Variants in XRCC4 observed in about 807,000 individuals in gnomAD.
The protein encoded by XRCC4 is DNA repair protein XRCC4.
A neutral mutation model predicts 39.1 loss-of-function variants in XRCC4; 28 were observed. The ratio of observed to expected loss-of-function variants is 0.72; its 90% CI spans 0.53 to 0.98. The LOEUF is 0.98. Among genes scored for constraint, XRCC4 ranks in the 50% least tolerant of loss-of-function variants. The pLI is 0.00. For missense variants in XRCC4, 350 were observed against 376.4 expected, an observed-to-expected ratio of 0.93 and a Z score of 0.58; for synonymous variants, 123 against 126.4, an observed-to-expected ratio of 0.97 and a Z score of 0.18.
In XRCC4 at chr5:83,284,884, A is replaced by G. The variant is rs73769439; in HGVS notation, c.893+26207A>G. Among the ~76,000 whole-genome samples the G allele has an allele frequency of 1.6e-3, 247 of 152,226 alleles. 1 individual carries two copies. The highest frequency in any genetic ancestry group is 5.4e-3 in the African/African-American group (225 of 41,568). On this transcript the variant is annotated intron_variant, in intron 7 of 7. Coordinates refer to ENST00000396027, the MANE Select transcript of XRCC4 (RefSeq NM_003401.5). ...ATTATTTTCTAGATAATATTTAAGA[A>G]TAATATTTTATGTATATATTAAACA...
At chr5:83,209,152 A>G (rs1751538294) in intron 6 of XRCC4, among the ~76,000 whole-genome samples, 1 of 151,754 alleles carries the variant, frequency 6.6e-6, no homozygotes, top group Non-Finnish European at 1.5e-5. Context: ...GGGTTATTAT[A>G]GATACTGTGA....
intron 7 of XRCC4, among the ~76,000 whole-genome samples, chr5:83,335,712 A>T (rs934762991): frequency 4.6e-5 from 7 of 152,028 alleles, no homozygotes; most frequent in Admixed American, 4.6e-4. Flanking sequence ...GAAAAACAGG[A>T]TTTTACAATT....
At position 83,278,957 on chromosome 5, in the gene XRCC4, C is replaced by T. The variant is rs1754434506; in HGVS notation, c.893+20280C>T. On this transcript the variant is annotated intron_variant, in intron 7 of 7. Coordinates refer to ENST00000396027, the MANE Select transcript of XRCC4 (RefSeq NM_003401.5). ...GAGCCGAGATCGTGCCACTCCACTC[C>T]ACCACTCCACTCCAGCCTGGGCGGC... Among the ~76,000 whole-genome samples, 5 of 146,060 alleles carry T rather than the reference C, an allele frequency of 3.4e-5. No individual in the cohort carries two copies. The South Asian group carries it at 1.1e-3, about 31-fold the overall frequency.
chr5:83,251,701 ACCT>A (rs1753325185), intron 6 of XRCC4, among the ~76,000 whole-genome samples: 1 of 151,944 alleles, frequency 6.6e-6, no homozygotes, highest in Non-Finnish European at 1.5e-5. Context: ...TCCAAAGATG[ACCT>A]CCTGAGTTAC....
intron 7 of XRCC4, among the ~76,000 whole-genome samples, chr5:83,346,565 A>C (rs1756923203): frequency 6.6e-6 from 1 of 151,998 alleles, no homozygotes; most frequent in Non-Finnish European, 1.5e-5. Flanking sequence ...AAAAAGACAC[A>C]CTTGAAAACA....
chr5:83,238,014 G>A (rs7710486), intron 6 of XRCC4, among the ~76,000 whole-genome samples: 26,004 of 151,914 alleles, frequency 0.17, 4,595 homozygotes, highest in African/African-American at 0.46. Flanking sequence ...GTAGAAATTG[G>A]TAATAGTATT....
chr5:83,250,605 T>C (rs1373922024), intron 6 of XRCC4, among the ~76,000 whole-genome samples: 1 of 152,224 alleles, frequency 6.6e-6, no homozygotes, highest in Non-Finnish European at 1.5e-5. Context: ...CCAAAAGTTC[T>C]ACCCAAAAAG....
chr5:83,341,374 A>G (rs1360319013), intron 7 of XRCC4, among the ~76,000 whole-genome samples: 1 of 152,110 alleles, frequency 6.6e-6, no homozygotes, highest in Non-Finnish European at 1.5e-5. Context: ...ATGTATATAC[A>G]CACATATTCT....
At chr5:83,275,296 G>GTTT (rs59794451) in intron 7 of XRCC4, among the ~76,000 whole-genome samples, 4 of 141,528 alleles carry the variant, frequency 2.8e-5, no homozygotes, top group Admixed American at 7.1e-5. Flanking sequence ...GCTAGGTTAG[G>GTTT]TTTTTTTTTT....
rs184950811 is a variant in XRCC4, at chr5:83,172,044, A to G, written c.316-23726A>G. On this transcript the variant is annotated intron_variant, in intron 3 of 7. Coordinates refer to ENST00000396027, the MANE Select transcript of XRCC4 (RefSeq NM_003401.5). ...ATGTTGTTTTCTGTCAAATGAATCA[A>G]TAGAATTATTTTGATTTGCAAAGGA... Among the ~76,000 whole-genome samples the G allele has an allele frequency of 4.3e-4, 66 of 152,308 alleles. 1 individual carries two copies. Among genetic ancestry groups the G allele is most frequent in the Admixed American group, 1.4e-3 (21 of 15,290 alleles).
intron 7 of XRCC4, among the ~76,000 whole-genome samples, chr5:83,283,050 C>CA (rs199980796): frequency 0.023 from 1,325 of 57,630 alleles, 10 homozygotes; most frequent in African/African-American, 0.062. Flanking sequence ...ATAGCCAGAC[C>CA]AAAAAAAAAA....
intron 6 of XRCC4, among the ~76,000 whole-genome samples, chr5:83,240,388 CA>C (rs1293152307): frequency 6.6e-6 from 1 of 151,990 alleles, no homozygotes; most frequent in Non-Finnish European, 1.5e-5. Flanking sequence ...TGGATCAAAA[CA>C]AGAGAGAAGC....
chr5:83,356,544 T>C (rs1757191969), downstream of XRCC4, among the ~76,000 whole-genome samples: 1 of 152,200 alleles, frequency 6.6e-6, no homozygotes, highest in Admixed American at 6.5e-5. Context: ...ATTGAGTTGG[T>C]TAGAACAGAA....
rs1423376292 is a variant in XRCC4 at position 83,129,943 on chromosome 5, A to G, written c.315+18740A>G. 2.0e-5 allele frequency among the ~76,000 whole-genome samples: 3 copies of G among 152,114 alleles called. No homozygotes were observed. The East Asian group carries it at 5.8e-4, about 29-fold the overall frequency. On this transcript the variant is annotated intron_variant, in intron 3 of 7. Transcript: ENST00000396027. ...GACAATTTGGCTTCCTCTTTTCCTAATTGAATACCCTTTATTTCCTTCTCC... is the reference window on the plus strand; with the variant it reads ...GACAATTTGGCTTCCTCTTTTCCTAGTTGAATACCCTTTATTTCCTTCTCC...
intron 7 of XRCC4, among the ~76,000 whole-genome samples, chr5:83,273,384 T>A (rs184041901): frequency 8.5e-5 from 13 of 152,356 alleles, no homozygotes; most frequent in African/African-American, 2.4e-4. Flanking sequence ...CTGTTCACTC[T>A]GATGATAGTT....
intron 7 of XRCC4, among the ~76,000 whole-genome samples, chr5:83,298,152 A>G (rs1231556518): frequency 1.3e-5 from 2 of 151,854 alleles, no homozygotes; most frequent in Non-Finnish European, 2.9e-5. Context: ...TGACAGTATA[A>G]ATTACACACT....
At chr5:83,218,346 T>C (rs530105789) in intron 6 of XRCC4, among the ~76,000 whole-genome samples, 1 of 151,856 alleles carries the variant, frequency 6.6e-6, no homozygotes, top group African/African-American at 2.4e-5. Flanking sequence ...TGGATATTAG[T>C]GTTCCCTGCA....
intron 3 of XRCC4, among the ~76,000 whole-genome samples, chr5:83,143,510 G>T (rs1748284639): frequency 6.6e-6 from 1 of 152,138 alleles, no homozygotes; most frequent in African/African-American, 2.4e-5. Flanking sequence ...CTGTTGTGGA[G>T]TTGGTATTTC....
chr5:83,185,376 A>C (rs1031238784), intron 3 of XRCC4, among the ~76,000 whole-genome samples: 5 of 150,684 alleles, frequency 3.3e-5, no homozygotes, highest in East Asian at 1.9e-4. Context: ...AAAAAAAAAA[A>C]ACAACACTTT....
Sources: gnomAD v4.1 joint callset for allele counts (sites outside exome capture counted in the v4.1 genomes callset) on GRCh38, gnomAD v4.1.1 for gene constraint, MANE v1.5 for transcripts, NCBI Gene and HGNC (gene_info 2026-07-23, HGNC 2026-07-21) for gene names.